Variants in MAPKAP1 observed in about 807,000 individuals in gnomAD.
MAPKAP1 encodes target of rapamycin complex 2 subunit MAPKAP1.
Under a neutral mutation model 65.7 loss-of-function variants are expected in MAPKAP1, and 20 were observed. That is an observed-to-expected ratio of 0.30 (90% CI 0.21 to 0.44). The LOEUF is 0.44. Among genes scored for constraint, MAPKAP1 ranks in the 20% least tolerant of loss-of-function variants. The pLI is 1.00. For synonymous variants in MAPKAP1, 222 were observed against 244.3 expected (o/e 0.91, Z 0.85); for missense variants, 423 against 648.0 (o/e 0.65, Z 3.77).
chr9:125,640,866 A>G (rs1306719618), intron 4 of MAPKAP1, among the ~76,000 whole-genome samples: 5 of 152,212 alleles, frequency 3.3e-5, no homozygotes, highest in Non-Finnish European at 5.9e-5. Flanking sequence ...TAGAGACTCT[A>G]ATATTCTACT....
At chr9:125,523,260 G>T (rs1201130737) in intron 7 of MAPKAP1, among the ~76,000 whole-genome samples, 1 of 152,082 alleles carries the variant, frequency 6.6e-6, no homozygotes, top group African/African-American at 2.4e-5. Context: ...TGAAAATCCT[G>T]CCCTGCCCTC....
chr9:125,590,401 G>C (rs1831920985), intron 4 of MAPKAP1, among the ~76,000 whole-genome samples: 1 of 152,120 alleles, frequency 6.6e-6, no homozygotes, highest in South Asian at 2.1e-4. Context: ...TGCAATCTCA[G>C]CACTTTGGGA....
chr9:125,607,248 AT>A (rs1164847722), intron 4 of MAPKAP1, among the ~76,000 whole-genome samples: 1 of 152,236 alleles, frequency 6.6e-6, no homozygotes, highest in African/African-American at 2.4e-5. Flanking sequence ...AACAATAAAT[AT>A]CATGGGCTGG....
chr9:125,667,288 G>A (rs111665514), intron 3 of MAPKAP1, among the ~76,000 whole-genome samples: 32 of 152,038 alleles, frequency 2.1e-4, no homozygotes, highest in Non-Finnish European at 4.1e-4. Flanking sequence ...TTGTAAAAGG[G>A]ACTGATGCAC....
At chr9:125,462,994 T>C (rs1384072314) in intron 10 of MAPKAP1, among the ~76,000 whole-genome samples, 1 of 152,188 alleles carries the variant, frequency 6.6e-6, no homozygotes, top group Non-Finnish European at 1.5e-5. Flanking sequence ...GGTCACAGGA[T>C]AAAGAAAAAG....
chr9:125,624,463 C>T (rs1259901600), intron 4 of MAPKAP1, among the ~76,000 whole-genome samples: 1 of 113,512 alleles, frequency 8.8e-6, no homozygotes, highest in East Asian at 3.4e-4. Flanking sequence ...CCCGGCCAGC[C>T]GCCCCGTCCG....
At position 125,545,175 on chromosome 9, in the gene MAPKAP1, C is replaced by T. The variant is rs76331318; in HGVS notation, c.849-2007G>A. Reference sequence around the variant, plus strand: ...CCATTCTTTACCTCAGAAGCTGGACCGCATCCCAGAACAATCTTTAAAAGT... The same window carrying T: ...CCATTCTTTACCTCAGAAGCTGGACTGCATCCCAGAACAATCTTTAAAAGT... On this transcript the variant is annotated intron_variant, in intron 6 of 11. Transcript: ENST00000265960. Among the ~76,000 whole-genome samples the T allele has an allele frequency of 4.4e-3, 671 of 152,206 alleles. 6 individuals are homozygous for T. The highest frequency in any genetic ancestry group is 0.015 in the African/African-American group (617 of 41,516).
At chr9:125,610,698 C>G (rs1832573555) in intron 4 of MAPKAP1, among the ~76,000 whole-genome samples, 1 of 152,194 alleles carries the variant, frequency 6.6e-6, no homozygotes, top group Non-Finnish European at 1.5e-5. Context: ...ACTTTATAAA[C>G]ATAAACGAAC....
chr9:125,692,433 G>C (rs1835197822), intron 1 of MAPKAP1, among the ~76,000 whole-genome samples: 1 of 152,200 alleles, frequency 6.6e-6, no homozygotes, highest in African/African-American at 2.4e-5. Context: ...GTATATGAAA[G>C]GTTTGGAACA....
At chr9:125,650,118 C>T (rs1342062361) in intron 4 of MAPKAP1, among the ~76,000 whole-genome samples, 8 of 152,174 alleles carry the variant, frequency 5.3e-5, no homozygotes. Context: ...AAATATCTCT[C>T]GAATTCATTC....
At chr9:125,542,394 CAT>C (rs1303327000) in intron 7 of MAPKAP1, among the ~76,000 whole-genome samples, 1 of 152,152 alleles carries the variant, frequency 6.6e-6, no homozygotes, top group Admixed American at 6.5e-5. Flanking sequence ...TTCAACACGT[CAT>C]ATATGAGTTG....
intron 8 of MAPKAP1, among the ~76,000 whole-genome samples, chr9:125,485,011 T>G (rs900591747): frequency 2.0e-5 from 3 of 152,136 alleles, no homozygotes; most frequent in African/African-American, 7.2e-5. Context: ...CAAAACGTCT[T>G]CTTTACTGCC....
intron 4 of MAPKAP1, among the ~76,000 whole-genome samples, chr9:125,641,553 T>C (rs1833578166): frequency 6.6e-6 from 1 of 152,156 alleles, no homozygotes; most frequent in African/African-American, 2.4e-5. Flanking sequence ...TCATTATTAT[T>C]GTGACAATTA....
intron 4 of MAPKAP1, among the ~76,000 whole-genome samples, chr9:125,629,532 A>G (rs1833213422): frequency 6.6e-6 from 1 of 152,234 alleles, no homozygotes; most frequent in South Asian, 2.1e-4. Context: ...TTCCAGTATT[A>G]CTACCATATA....
chr9:125,518,845 A>G (rs1286176145), intron 7 of MAPKAP1, among the ~76,000 whole-genome samples: 1 of 152,236 alleles, frequency 6.6e-6, no homozygotes, highest in Non-Finnish European at 1.5e-5. Flanking sequence ...ACACAGCACA[A>G]TCTGGAGGGT....
intron 4 of MAPKAP1, among the ~76,000 whole-genome samples, chr9:125,615,937 AAAGAG>A (rs1832734940): frequency 1.3e-5 from 2 of 152,000 alleles, no homozygotes; most frequent in Non-Finnish European, 2.9e-5. Context: ...AAAGAAAAGA[AAAGAG>A]AAAAGGAGGT....
chr9:125,559,799 T>C lies in MAPKAP1; in HGVS notation c.682A>G (p.Ser228Gly), dbSNP rs780013371. ...GREPKLNDNV[S>G]AYCLHIAEDD... is the part of the protein sequence containing the mutation. ...TCAGCAATATGCAGGCAGTAGGCAC[T>C]GACATTGTCACTGAAAGGAAAACCA... The change falls in exon 6 of 12, where the codon AGT becomes GGT. Residue 228 changes from serine (S) to glycine (G), a missense_variant. This residue lies in a region of MAPKAP1 where 98 missense variants were observed against 200.5 expected (regional missense o/e 0.49). Coordinates refer to ENST00000265960, the MANE Select transcript of MAPKAP1 (RefSeq NM_001006617.3). The C allele has an allele frequency of 6.2e-7, 1 of 1,610,220 alleles. No individual in the cohort carries two copies. The highest frequency in any genetic ancestry group is 8.5e-7 in the Non-Finnish European group (1 of 1,177,658).
chr9:125,629,812 C>A (rs1833225258), intron 4 of MAPKAP1, among the ~76,000 whole-genome samples: 1 of 152,096 alleles, frequency 6.6e-6, no homozygotes, highest in Non-Finnish European at 1.5e-5. Context: ...GAAATGCAGG[C>A]ATGGTTCACT....
At chr9:125,668,259 A>T (rs1034644548) in intron 3 of MAPKAP1, among the ~76,000 whole-genome samples, 2 of 152,174 alleles carry the variant, frequency 1.3e-5, no homozygotes, top group African/African-American at 4.8e-5. Context: ...ACTTCCCTCC[A>T]TGTTGGGTAA....
Sources: gnomAD v4.1 joint callset for allele counts (sites outside exome capture counted in the v4.1 genomes callset) on GRCh38, gnomAD v4.1.1 for gene constraint, gnomAD v4.1.1 regional missense constraint, MANE v1.5 for transcripts, NCBI Gene and HGNC (gene_info 2026-07-23, HGNC 2026-07-21) for gene names.